Variants in CEP350 observed in about 807,000 individuals in gnomAD.
CEP350 encodes centrosomal protein 350, also known as centrosome-associated protein 350.
In CEP350, 126 loss-of-function variants were observed where a neutral mutation model predicts 331.8. The observed-to-expected ratio is 0.38, with a 90% CI of 0.33 to 0.44. The LOEUF is 0.44. CEP350 is among the 20% of genes least tolerant of loss of function. The pLI is 1.00. For synonymous variants in CEP350, 1,200 were observed against 1,259.5 expected (o/e 0.95, Z 1.00); for missense variants, 3,406 against 3,634.6 (o/e 0.94, Z 1.62).
chr1:179,992,552 A>G (rs1333143419), intron 5 of CEP350, among the ~76,000 whole-genome samples: 1 of 152,124 alleles, frequency 6.6e-6, no homozygotes, highest in South Asian at 2.1e-4. Context: ...TTTCGTCTTA[A>G]TATCTCAGAT....
chr1:179,984,068 GTTC>G (rs1451127934), intron 1 of CEP350, among the ~76,000 whole-genome samples: 2 of 152,166 alleles, frequency 1.3e-5, no homozygotes, highest in Non-Finnish European at 2.9e-5. Context: ...AGAGCAGCAT[GTTC>G]TTCACATTCT....
intron 37 of CEP350, among the ~76,000 whole-genome samples, chr1:180,107,876 GATGTA>G (rs1297352101): frequency 1.6e-4 from 24 of 151,954 alleles, no homozygotes; most frequent in Non-Finnish European, 2.8e-4. Context: ...TAGTCTTTTA[GATGTA>G]ATTAATTAAG....
intron 25 of CEP350, among the ~76,000 whole-genome samples, chr1:180,056,368 GTATC>G (rs1161815270): frequency 6.7e-6 from 1 of 149,190 alleles, no homozygotes; most frequent in Non-Finnish European, 1.5e-5. Context: ...GGTTTCCTTT[GTATC>G]TATCCTATTT....
rs1381054654 is a variant in CEP350 at position 179,989,529 on chromosome 1, T to TA, written c.121-974dup. 3.3e-5 allele frequency among the ~76,000 whole-genome samples: 5 copies of TA among 151,804 alleles called. No individual in the cohort carries two copies. The East Asian group carries it at 9.6e-4, about 29-fold the overall frequency. On this transcript the variant is annotated intron_variant, in intron 3 of 37. Transcript: ENST00000367607. ...AAGGAAGATATATCAAAATTTTATA[T>TA]AAAATGTCTATATGTGATGGAATTT... is the stretch of plus-strand genomic sequence containing the variant.
At chr1:180,064,165 C>G (rs1245706119) in intron 26 of CEP350, among the ~76,000 whole-genome samples, 1 of 152,142 alleles carries the variant, frequency 6.6e-6, no homozygotes, top group African/African-American at 2.4e-5. Context: ...CTAGGAAGTT[C>G]TCTGTGGTAA....
intron 25 of CEP350, among the ~76,000 whole-genome samples, chr1:180,060,049 T>C (rs532272997): frequency 3.2e-4 from 49 of 152,348 alleles, no homozygotes; most frequent in African/African-American, 1.1e-3. Flanking sequence ...TTCACTAAAT[T>C]ATTTTTTGTT....
chr1:180,096,575 G>A (rs983916034), intron 36 of CEP350, among the ~76,000 whole-genome samples: 4 of 152,116 alleles, frequency 2.6e-5, no homozygotes, highest in African/African-American at 4.8e-5. Flanking sequence ...ATATGAATAC[G>A]TGTCATATAT....
chr1:180,048,534 A>C lies in CEP350; in HGVS notation c.4623-2A>C. On this transcript the variant is annotated splice_acceptor_variant, in intron 21 of 37. Transcript: ENST00000367607. LOFTEE classifies it high-confidence loss of function. ...TTGTTGTTTCCATGTATCCATAAAA[A>C]GAAGTAGCAGTGGTAGCAGCCGCCA... The C allele has an allele frequency of 1.3e-6, 2 of 1,585,602 alleles. No homozygotes were observed. The highest frequency in any genetic ancestry group is 1.7e-6 in the Non-Finnish European group (2 of 1,163,422).
rs140498247 is a variant in CEP350 at position 180,105,878 on chromosome 1, A to G, written c.9190-5119A>G. 4.7e-4 allele frequency among the ~76,000 whole-genome samples: 71 copies of G among 152,336 alleles called. No individual in the cohort carries two copies. The East Asian group carries it at 0.011, about 23-fold the overall frequency. On this transcript the variant is annotated intron_variant, in intron 37 of 37. Transcript: ENST00000367607. ...GGCTGAGGATGTCCCTAATCAATCT[A>G]ACTATATTTGTGTCTTCAGGCATTA...
At chr1:180,040,934 C>T (rs989509106) in intron 17 of CEP350, among the ~76,000 whole-genome samples, 4 of 152,048 alleles carry the variant, frequency 2.6e-5, no homozygotes, top group East Asian at 1.9e-4. Flanking sequence ...TATATTACTA[C>T]ATTATTTGGC....
In CEP350 at chr1:180,020,071, A is replaced by G. The variant is rs1356485267; in HGVS notation, c.2297A>G (p.Glu766Gly). Residue 766 changes from glutamate (E) to glycine (G), a missense_variant, in exon 12 of 38, where the codon GAG (glutamate) becomes GGG (glycine). Around this residue, in one of 5 missense-constraint regions of CEP350, gnomAD observed 1,857 missense variants for 1,909.2 expected, o/e 0.97. Transcript: ENST00000367607. ...GSLLSHLLSLEHVGILHKDFE... is the reference protein window; with the variant it reads ...GSLLSHLLSLGHVGILHKDFE... ...TTACTCTCCCATCTCTTGAGTTTAG[A>G]GCATGTAGGAATTTTGCATAAGGAT... The G allele has an allele frequency of 1.2e-6, 2 of 1,614,006 alleles. No homozygotes were observed. The highest frequency in any genetic ancestry group is 8.5e-7 in the Non-Finnish European group (1 of 1,179,894).
Position 180,111,217 on chromosome 1 carries a change from C to A in CEP350, c.*56C>A, listed in dbSNP as rs538770285. 3.0e-4 allele frequency: 481 copies of A among 1,587,184 alleles called. No homozygotes were observed. Among genetic ancestry groups the A allele is most frequent in the Non-Finnish European group, 3.9e-4 (455 of 1,162,640 alleles). On this transcript the variant is annotated 3_prime_UTR_variant, in exon 38 of 38. Transcript: ENST00000367607. ...TAATGTGAGTCCTGGGCCTTTCTGC[C>A]TCCTGATGTACACCCATCGCCATCA...
At chr1:180,004,852 G>A (rs1654102411) in intron 7 of CEP350, among the ~76,000 whole-genome samples, 1 of 150,786 alleles carries the variant, frequency 6.6e-6, no homozygotes, top group Non-Finnish European at 1.5e-5. Context: ...AGTCCTCAGA[G>A]CTTGGGCAGG....
At chr1:180,011,093 G>A (rs1162200293) in intron 8 of CEP350, among the ~76,000 whole-genome samples, 1 of 151,364 alleles carries the variant, frequency 6.6e-6, no homozygotes, top group Non-Finnish European at 1.5e-5. Flanking sequence ...TTTTCTTCTG[G>A]TAAACAGCTG....
chr1:179,958,829 A>C (rs979413376), intron 1 of CEP350, among the ~76,000 whole-genome samples: 1 of 152,206 alleles, frequency 6.6e-6, no homozygotes, highest in Non-Finnish European at 1.5e-5. Flanking sequence ...AATAAGTTGC[A>C]CTATACTATA....
rs969727929 is a variant in CEP350, at chr1:180,014,611, C to T, written c.2052+106C>T. The T allele has an allele frequency of 3.0e-6, 3 of 1,015,180 alleles. No individual in the cohort carries two copies. The African/African-American group carries it at 4.9e-5, about 16-fold the overall frequency. 62.9% of individuals were successfully genotyped at this position (1,015,180 alleles called of 1,614,324 possible). On this transcript the variant is annotated intron_variant, in intron 10 of 37. Transcript: ENST00000367607. Reference sequence around the variant, plus strand: ...TCATTCCTAGTATGCTCAGATAATACTTATAATAATCATGGCCTTCATGAA... The same window carrying T: ...TCATTCCTAGTATGCTCAGATAATATTTATAATAATCATGGCCTTCATGAA...
At chr1:180,057,515 T>C (rs962625033) in intron 25 of CEP350, among the ~76,000 whole-genome samples, 4 of 151,394 alleles carry the variant, frequency 2.6e-5, no homozygotes, top group South Asian at 4.2e-4. Context: ...TTGTCTGTTT[T>C]CTTTTTTTTT....
At chr1:180,032,684 T>A (rs987335974) in intron 15 of CEP350, among the ~76,000 whole-genome samples, 2 of 152,058 alleles carry the variant, frequency 1.3e-5, no homozygotes, top group Non-Finnish European at 2.9e-5. Context: ...CCCAAGCTCT[T>A]TTGCTTTCTT....
rs142652781 is a variant in CEP350 at position 180,078,602 on chromosome 1, A to G, written c.5907A>G (p.Pro1969=). ...TAGGACAGGAGCAGCCAGGGAGTCC[A>G]GATCACAGTATACTTACTGAAGAAA... The part of the protein sequence containing the change: ...ESIGQEQPGS[P]DHSILTEEMI... Residue 1969 remains proline, a synonymous_variant, in exon 29 of 38, where the codon CCA becomes CCG. Coordinates refer to ENST00000367607, the MANE Select transcript of CEP350 (RefSeq NM_014810.5). 4 of 1,613,258 alleles carry G rather than the reference A, an allele frequency of 2.5e-6. No individual in the cohort carries two copies. Among genetic ancestry groups the G allele is most frequent in the Admixed American group, 1.7e-5 (1 of 59,900 alleles).
Sources: gnomAD v4.1 joint callset for allele counts (sites outside exome capture counted in the v4.1 genomes callset) on GRCh38, gnomAD v4.1.1 for gene constraint, gnomAD v4.1.1 regional missense constraint, MANE v1.5 for transcripts, NCBI Gene and HGNC (gene_info 2026-07-23, HGNC 2026-07-21) for gene names.